Variants in VAPA observed in about 807,000 individuals in gnomAD.
VAPA encodes VAMP associated protein A.
VAPA carries 6 observed loss-of-function variants against 25.6 expected under a neutral mutation model. The observed-to-expected ratio is 0.23, with a 90% CI of 0.13 to 0.46. VAPA has a LOEUF of 0.46. Ranked by LOEUF, VAPA falls within the 20% of genes least tolerant of loss-of-function variation. The probability of loss-of-function intolerance (pLI) is 0.99; values close to 1 mark genes in which losing one functional copy is unlikely to be tolerated. For synonymous variants in VAPA, 112 were observed against 106.2 expected (o/e 1.05, Z -0.34); for missense variants, 244 against 302.1 (o/e 0.81, Z 1.43).
chr18:9,935,451 A>G (rs1051866767), intron 2 of VAPA, among the ~76,000 whole-genome samples: 5 of 152,122 alleles, frequency 3.3e-5, no homozygotes, highest in African/African-American at 1.2e-4. Context: ...GCATGTGGCT[A>G]TAGTCTTAGC....
At chr18:9,945,143 T>C in intron 4 of VAPA, 1 of 1,457,684 alleles carries the variant, frequency 6.9e-7, no homozygotes, top group Non-Finnish European at 9.4e-7. Context: ...TAAGTGGTAT[T>C]GTGAGTATGT....
Position 9,957,842 on chromosome 18 carries a change from A to G in VAPA, c.*3631A>G, listed in dbSNP as rs902364101. 1.1e-4 allele frequency: 17 copies of G among 152,198 alleles called. No homozygotes were observed. The highest frequency in any genetic ancestry group is 1.2e-4 in the African/African-American group (5 of 41,446). The allele number at this position is 152,198 out of a possible 1,614,324, so 9.4% of individuals were successfully genotyped here. ...CTTGCTTAGTGAGATGGAGTTAACT[A>G]TTTTTTAGTAGGAAGTGAGAACAGC... On this transcript the variant is annotated 3_prime_UTR_variant, in exon 6 of 6. Coordinates refer to ENST00000400000, the MANE Select transcript of VAPA (RefSeq NM_194434.3).
At chr18:9,942,391 T>A (rs952250575) in intron 4 of VAPA, among the ~76,000 whole-genome samples, 5 of 152,180 alleles carry the variant, frequency 3.3e-5, no homozygotes, top group Non-Finnish European at 7.4e-5. Context: ...TGCACTCTCC[T>A]CAAATATTGT....
At chr18:9,926,731 C>T (rs775110078) in intron 1 of VAPA, among the ~76,000 whole-genome samples, 10 of 152,120 alleles carry the variant, frequency 6.6e-5, no homozygotes, top group Non-Finnish European at 1.3e-4. Context: ...ACCTTTGTTC[C>T]AGTAGAAGAC....
At chr18:9,947,441 A>C (rs1283071685) in intron 4 of VAPA, among the ~76,000 whole-genome samples, 1 of 152,222 alleles carries the variant, frequency 6.6e-6, no homozygotes, top group Non-Finnish European at 1.5e-5. Context: ...CATATGTATG[A>C]ATCATTGTTG....
At chr18:9,945,661 G>A (rs185142146) in intron 4 of VAPA, among the ~76,000 whole-genome samples, 1 of 152,084 alleles carries the variant, frequency 6.6e-6, no homozygotes, top group Non-Finnish European at 1.5e-5. Context: ...ACCACATGTG[G>A]CAACCCCACA....
intron 4 of VAPA, chr18:9,948,955 A>T (rs1441458139): frequency 6.6e-6 from 1 of 152,264 alleles, no homozygotes; most frequent in Non-Finnish European, 1.5e-5. Flanking sequence ...TTCTATTGCC[A>T]TATTGGTGGC....
intron 1 of VAPA, among the ~76,000 whole-genome samples, chr18:9,917,725 A>G (rs2069123537): frequency 6.6e-6 from 1 of 152,250 alleles, no homozygotes; most frequent in African/African-American, 2.4e-5. Flanking sequence ...ATAAATCAAC[A>G]AAGAAAATTA....
chr18:9,932,407 C>CT (rs891901423), intron 2 of VAPA, among the ~76,000 whole-genome samples: 7 of 152,116 alleles, frequency 4.6e-5, no homozygotes, highest in African/African-American at 1.7e-4. Context: ...GTCTTTATGC[C>CT]TTTCATTGTA....
intron 1 of VAPA, among the ~76,000 whole-genome samples, chr18:9,926,603 G>T (rs2069201918): frequency 6.6e-6 from 1 of 152,128 alleles, no homozygotes; most frequent in Non-Finnish European, 1.5e-5. Flanking sequence ...CAAGTTCCAT[G>T]GAGGTGACAG....
At chr18:9,951,206 A>C (rs1394240596) in intron 5 of VAPA, 8 of 152,462 alleles carry the variant, frequency 5.2e-5, no homozygotes, top group Admixed American at 4.6e-4. Context: ...AGTATGCTGG[A>C]GAAGCATCTG....
intron 2 of VAPA, among the ~76,000 whole-genome samples, chr18:9,934,627 G>A (rs972750851): frequency 6.6e-6 from 1 of 152,082 alleles, no homozygotes; most frequent in South Asian, 2.1e-4. Context: ...CTTTTTGAAA[G>A]TGTAGAGATA....
At chr18:9,923,088 C>G (rs2069170852) in intron 1 of VAPA, among the ~76,000 whole-genome samples, 1 of 152,174 alleles carries the variant, frequency 6.6e-6, no homozygotes, top group Non-Finnish European at 1.5e-5. Flanking sequence ...AAAGAAACCT[C>G]CGTATCATTT....
chr18:9,950,412 C>T lies in VAPA; in HGVS notation c.435C>T (p.Ser145=). Residue 145 remains serine, a synonymous_variant, in exon 5 of 6, where the codon AGC becomes AGT. Coordinates refer to ENST00000400000, the MANE Select transcript of VAPA (RefSeq NM_194434.3). ...TAATGCAGAATGATATGGAACCTAG[C>T]AAAGCTGTTCCACTGAATGCATCTA... ...ENDKLNDMEP[S]KAVPLNASKQ... 1.2e-6 allele frequency: 2 copies of T among 1,613,536 alleles called. No homozygotes were observed. Among genetic ancestry groups the T allele is most frequent in the Non-Finnish European group, 1.7e-6 (2 of 1,179,864 alleles).
At chr18:9,924,030 A>G (rs1599098788) in intron 1 of VAPA, 1 of 152,800 alleles carries the variant, frequency 6.5e-6, no homozygotes, top group African/African-American at 2.4e-5. Flanking sequence ...AAATTACTCA[A>G]TCTCACAAAA....
chr18:9,956,715 ATTGT>A lies in VAPA; in HGVS notation c.*2509_*2512del, dbSNP rs1291691071. 2.6e-5 allele frequency: 4 copies of A among 152,616 alleles called. No homozygotes were observed. Among genetic ancestry groups the A allele is most frequent in the South Asian group, 2.1e-4 (1 of 4,832 alleles). The allele number at this position is 152,616 out of a possible 1,614,324, so 9.5% of individuals were successfully genotyped here. On this transcript the variant is annotated 3_prime_UTR_variant, in exon 6 of 6. Coordinates refer to ENST00000400000, the MANE Select transcript of VAPA (RefSeq NM_194434.3). ...GATAATATGATAATATAGAGATTAA[ATTGT>A]TTGTCTTCATTCCTTATATGTTTAG...
intron 4 of VAPA, 176 bp from the exon 5 acceptor site, chr18:9,950,219 A>G (rs2069474236): frequency 3.4e-6 from 2 of 594,654 alleles, no homozygotes; most frequent in South Asian, 2.1e-5. Context: ...GCCAGGGATT[A>G]TGGGAATAGA....
chr18:9,926,528 C>T (rs2069201091), intron 1 of VAPA, among the ~76,000 whole-genome samples: 1 of 152,126 alleles, frequency 6.6e-6, no homozygotes, highest in African/African-American at 2.4e-5. Flanking sequence ...AGACAGTGGA[C>T]ATCATTGTTC....
intron 1 of VAPA, among the ~76,000 whole-genome samples, chr18:9,917,708 G>A (rs1299293240): frequency 1.3e-5 from 2 of 152,142 alleles, no homozygotes; most frequent in East Asian, 1.9e-4. Flanking sequence ...GAGAGTGGCC[G>A]ATAACAATAA....
Sources: allele counts gnomAD v4.1 joint callset (sites outside exome capture counted in the v4.1 genomes callset), GRCh38; gene constraint gnomAD v4.1.1; transcripts MANE v1.5; gene names NCBI Gene and HGNC (gene_info 2026-07-23, HGNC 2026-07-21).